ERBB4: variants seen among roughly 807,000 people sequenced by gnomAD.
ERBB4 encodes the protein erb-b2 receptor tyrosine kinase 4, also known as receptor tyrosine-protein kinase erbB-4.
In ERBB4, 42 loss-of-function variants were observed where a neutral mutation model predicts 158.0. The ratio of observed to expected loss-of-function variants is 0.27; its 90% CI spans 0.21 to 0.34. ERBB4 has a LOEUF of 0.34. ERBB4 is among the 10% of genes least tolerant of loss of function. ERBB4 has a pLI of 1.00. For synonymous variants in ERBB4, 583 were observed against 558.7 expected (o/e 1.04, Z -0.61); for missense variants, 1,333 against 1,624.1 (o/e 0.82, Z 3.08).
intron 3 of ERBB4, among the ~76,000 whole-genome samples, chr2:211,842,153 G>T (rs1023059537): frequency 4.6e-5 from 7 of 151,866 alleles, no homozygotes; most frequent in African/African-American, 1.7e-4. Context: ...TTAAAACAAG[G>T]TGATTTGAAT....
intron 3 of ERBB4, among the ~76,000 whole-genome samples, chr2:211,824,809 G>GA (rs1357582146): frequency 6.6e-6 from 1 of 151,742 alleles, no homozygotes; most frequent in East Asian, 1.9e-4. Flanking sequence ...AATGTTCTCT[G>GA]AAAAAAATAT....
intron 14 of ERBB4, among the ~76,000 whole-genome samples, chr2:211,668,244 T>C (rs764898486): frequency 5.3e-5 from 8 of 152,202 alleles, no homozygotes; most frequent in Non-Finnish European, 8.8e-5. Context: ...TGTTATGAAG[T>C]GCATGACTGT....
chr2:212,498,098 G>A (rs1416499943), intron 1 of ERBB4, among the ~76,000 whole-genome samples: 1 of 150,712 alleles, frequency 6.6e-6, no homozygotes, highest in Non-Finnish European at 1.5e-5. Flanking sequence ...CCTTTCTATT[G>A]TGTGTGTGTG....
intron 16 of ERBB4, among the ~76,000 whole-genome samples, chr2:211,647,879 C>A (rs995645695): frequency 3.3e-5 from 5 of 151,686 alleles, no homozygotes; most frequent in African/African-American, 1.2e-4. Flanking sequence ...GCGTCCAGGG[C>A]TTCACCTTAC....
intron 1 of ERBB4, among the ~76,000 whole-genome samples, chr2:212,167,961 G>C (rs1312857155): frequency 6.6e-6 from 1 of 151,666 alleles, no homozygotes; most frequent in African/African-American, 2.4e-5. Flanking sequence ...TGAGGGGAGG[G>C]AACTTAGAGG....
intron 1 of ERBB4, among the ~76,000 whole-genome samples, chr2:212,507,589 T>A (rs1476067234): frequency 1.3e-5 from 2 of 152,156 alleles, no homozygotes; most frequent in Non-Finnish European, 2.9e-5. Flanking sequence ...CCCCCATGGA[T>A]GACTTGGAGG....
At chr2:211,450,701 ATAT>A (rs1467017273) in intron 20 of ERBB4, among the ~76,000 whole-genome samples, 1 of 152,146 alleles carries the variant, frequency 6.6e-6, no homozygotes, top group Non-Finnish European at 1.5e-5. Flanking sequence ...TTCAGTTTAA[ATAT>A]TATGTCCTCG....
chr2:212,325,113 T>C (rs1236643191), intron 1 of ERBB4, among the ~76,000 whole-genome samples: 1 of 150,872 alleles, frequency 6.6e-6, no homozygotes, highest in Non-Finnish European at 1.5e-5. Context: ...ATCATTAATG[T>C]ATGTGTATTA....
chr2:211,690,843 T>C (rs954513530), intron 12 of ERBB4, among the ~76,000 whole-genome samples: 14 of 152,214 alleles, frequency 9.2e-5, no homozygotes, highest in Non-Finnish European at 1.5e-4. Context: ...CTAAAGAAAC[T>C]TTAGCAATGT....
chr2:212,136,231 T>C (rs530146455), intron 1 of ERBB4, among the ~76,000 whole-genome samples: 13 of 152,340 alleles, frequency 8.5e-5, no homozygotes, highest in South Asian at 2.1e-4. Context: ...TTCTTAAGCA[T>C]TGATAAAGAT....
chr2:212,032,604 T>A (rs938499564), intron 2 of ERBB4, among the ~76,000 whole-genome samples: 1 of 152,068 alleles, frequency 6.6e-6, no homozygotes, highest in African/African-American at 2.4e-5. Context: ...TATGTGGATA[T>A]AATTTTAATA....
chr2:212,091,606 G>A (rs1365714871), intron 2 of ERBB4, among the ~76,000 whole-genome samples: 1 of 152,034 alleles, frequency 6.6e-6, no homozygotes, highest in African/African-American at 2.4e-5. Context: ...TGATGGAAAG[G>A]AACAAAGGGC....
intron 1 of ERBB4, among the ~76,000 whole-genome samples, chr2:212,249,351 T>C (rs183048585): frequency 3.6e-4 from 55 of 151,440 alleles, no homozygotes; most frequent in Admixed American, 9.2e-4. Flanking sequence ...TGGAATGAAA[T>C]TTAAAATGTA....
At chr2:212,328,520 T>C (rs560564054) in intron 1 of ERBB4, among the ~76,000 whole-genome samples, 1 of 152,180 alleles carries the variant, frequency 6.6e-6, no homozygotes, top group Non-Finnish European at 1.5e-5. Flanking sequence ...GGAGATATTA[T>C]GGTCATCATT....
At chr2:211,594,237 G>A (rs1204252071) in intron 19 of ERBB4, among the ~76,000 whole-genome samples, 9 of 152,068 alleles carry the variant, frequency 5.9e-5, no homozygotes, top group Admixed American at 4.6e-4. Flanking sequence ...AGGAATTTGA[G>A]ACCAGCCTGG....
At chr2:212,350,269 TTTAG>T (rs1283812015) in intron 1 of ERBB4, among the ~76,000 whole-genome samples, 20 of 152,246 alleles carry the variant, frequency 1.3e-4, no homozygotes, top group African/African-American at 4.3e-4. Flanking sequence ...AACATAACTA[TTTAG>T]TTAAAGAATT....
chr2:211,611,793 A>G (rs931599325), intron 19 of ERBB4, among the ~76,000 whole-genome samples: 1 of 152,164 alleles, frequency 6.6e-6, no homozygotes, highest in East Asian at 1.9e-4. Flanking sequence ...CAAGTCACCA[A>G]GAACTCAGAA....
At position 212,184,860 on chromosome 2, in the gene ERBB4, C is replaced by T. The variant is rs1363288598; in HGVS notation, c.83-59957G>A. Among the ~76,000 whole-genome samples the T allele has an allele frequency of 2.0e-5, 3 of 151,760 alleles. No individual in the cohort carries two copies. In the East Asian group the frequency reaches 5.8e-4, roughly 29 times the overall value. On this transcript the variant is annotated intron_variant, in intron 1 of 27. Coordinates refer to ENST00000342788, the MANE Select transcript of ERBB4 (RefSeq NM_005235.3). ...TCACAAGAAAATAAGTATTTTTTTTCTTAGATTCTAGTCTCCTGGCTTCTT... is the reference window on the plus strand; with the variant it reads ...TCACAAGAAAATAAGTATTTTTTTTTTTAGATTCTAGTCTCCTGGCTTCTT...
chr2:211,736,904 C>T (rs2074618667), intron 5 of ERBB4, among the ~76,000 whole-genome samples: 1 of 152,020 alleles, frequency 6.6e-6, no homozygotes, highest in Admixed American at 6.6e-5. Flanking sequence ...AGCTTTTATG[C>T]ATGATTAATA....
Sources: allele counts gnomAD v4.1 joint callset (sites outside exome capture counted in the v4.1 genomes callset), GRCh38; gene constraint gnomAD v4.1.1; transcripts MANE v1.5; gene names NCBI Gene and HGNC (gene_info 2026-07-23, HGNC 2026-07-21).